The following TBX22 variants were observed in gnomAD, a reference collection of about 807,000 sequenced individuals.
TBX22 encodes T-box transcription factor 22, also known as T-box transcription factor TBX22.
A neutral mutation model predicts 30.1 loss-of-function variants in TBX22; 8 were observed. That is an observed-to-expected ratio of 0.27 (90% CI 0.16 to 0.48). The LOEUF (loss-of-function observed/expected upper bound fraction) is 0.48, where lower values mean the gene tolerates loss of function less well. Ranked by LOEUF, TBX22 falls within the 20% of genes least tolerant of loss-of-function variation. The pLI is 0.99. For synonymous variants in TBX22, 173 were observed against 149.1 expected, an observed-to-expected ratio of 1.16 and a Z score of -1.17; for missense variants, 463 against 400.5, an observed-to-expected ratio of 1.16 and a Z score of -1.33.
chrX:80,015,484 G>T (rs1227809472), intron 1 of TBX22, among the ~76,000 whole-genome samples: 1 of 112,813 alleles, frequency 8.9e-6, no homozygotes, highest in Non-Finnish European at 1.9e-5. Flanking sequence ...GCACTCATTT[G>T]ATTTCAGGAG....
chrX:80,022,623 T>C, intron 2 of TBX22, 179 bp downstream of exon 2: 1 of 496,078 alleles, frequency 2.0e-6, no homozygotes, highest in Non-Finnish European at 3.5e-6. Flanking sequence ...GCAGTTTCTT[T>C]GCGGTAAAGG....
At chrX:80,017,610 C>T (rs987135949) in intron 1 of TBX22, among the ~76,000 whole-genome samples, 1 of 111,325 alleles carries the variant, frequency 9.0e-6, no homozygotes, top group East Asian at 2.8e-4. Context: ...ACTAGAATCA[C>T]CATAGGGTAG....
At chrX:80,027,374 GTTTTTTT>G in intron 7 of TBX22, 54 bp downstream of exon 7, 2 of 424,881 alleles carry the variant, frequency 4.7e-6, no homozygotes, top group Non-Finnish European at 7.8e-6. Flanking sequence ...ATTTTCACAA[GTTTTTTT>G]TTTTTTTTTT....
Position 80,022,460 on chromosome X carries a change from G to T in TBX22, c.175+16G>T. On this transcript the variant is annotated intron_variant, in intron 2 of 8. Coordinates refer to ENST00000373296, the MANE Select transcript of TBX22 (RefSeq NM_001109878.2). The stretch of plus-strand genomic sequence containing the variant: ...GAGCCGCTTGGTAAGTACTGCCATT[G>T]CCCTGAGCCCGTTGCCTGAGCTTAC... 1 of 1,167,571 alleles carries T rather than the reference G, an allele frequency of 8.6e-7. No homozygotes were observed. The highest frequency in any genetic ancestry group is 1.1e-6 in the Non-Finnish European group (1 of 873,205).
rs7877748 is a variant in TBX22 at position 80,027,889 on chromosome X, T to C, written c.864-102T>C. On this transcript the variant is annotated intron_variant, in intron 7 of 8. Coordinates refer to ENST00000373296, the MANE Select transcript of TBX22 (RefSeq NM_001109878.2). Reference sequence around the variant, plus strand: ...GAAGTCTAGCTATATAAAAGAGAAATATTTAAAATAGTTACATCTGAAAGA... The same window carrying C: ...GAAGTCTAGCTATATAAAAGAGAAACATTTAAAATAGTTACATCTGAAAGA... 0.29 allele frequency: 183,989 copies of C among 625,900 alleles called. 19,880 individuals are homozygous for C. Among genetic ancestry groups the C allele is most frequent in the East Asian group, 0.59 (17,050 of 28,950 alleles). 51.6% of individuals were successfully genotyped at this position (625,900 alleles called of 1,213,427 possible).
chrX:80,030,778 G>T lies in TBX22; in HGVS notation c.1230G>T (p.Val410=). Residue 410 remains valine, a synonymous_variant, in exon 9 of 9, where the codon GTG becomes GTT. Transcript: ENST00000373296. ...SQSLAPLMME[V]PMLSSLGVTN... The stretch of plus-strand genomic sequence containing the variant: ...CTTTAGCCCCACTCATGATGGAAGT[G>T]CCTATGTTATCTTCCCTGGGGGTCA... 8.3e-7 allele frequency: 1 copy of T among 1,211,284 alleles called. No homozygotes were observed.
chrX:80,018,692 G>C (rs986830321), intron 1 of TBX22, among the ~76,000 whole-genome samples: 3 of 112,185 alleles, frequency 2.7e-5, no homozygotes, highest in Non-Finnish European at 5.6e-5. Flanking sequence ...TAAGTGGTTT[G>C]CATGTTTTCT....
At position 80,027,334 on chromosome X, in the gene TBX22, C is replaced by A; in HGVS notation, c.863+14C>A. ...TGGAAGAAACAGGTAAGCAGCATAG[C>A]AATGACATCTAATATTGATGTAGCT... On this transcript the variant is annotated intron_variant, in intron 7 of 8. Transcript: ENST00000373296. 1 of 910,706 alleles carries A rather than the reference C, an allele frequency of 1.1e-6. No individual in the cohort carries two copies. The highest frequency in any genetic ancestry group is 1.6e-6 in the Non-Finnish European group (1 of 627,740). 75.1% of individuals were successfully genotyped at this position (910,706 alleles called of 1,213,427 possible).
intron 1 of TBX22, among the ~76,000 whole-genome samples, 197 bp downstream of exon 1, chrX:80,015,084 C>T (rs1233149347): frequency 1.8e-5 from 2 of 110,849 alleles, no homozygotes; most frequent in Non-Finnish European, 3.8e-5. Context: ...CACTACTTCT[C>T]GGGGGACTGG....
At chrX:80,022,795 G>A in intron 2 of TBX22, 1 of 410,645 alleles carries the variant, frequency 2.4e-6, no homozygotes, top group Non-Finnish European at 4.2e-6. Context: ...AACGTCTCCA[G>A]GAGAGTGAGG....
At position 80,024,111 on chromosome X, in the gene TBX22, G is replaced by A. The variant is rs754422325; in HGVS notation, c.405G>A (p.Gly135=). ...VRVKVKGLDP[G]KQYHVAIDVV... ...TCAAGGTGAAAGGGTTGGATCCAGG[G>A]AAGCAGTACCATGTGGCCATCGATG... The change falls in exon 4 of 9, where the codon GGG becomes GGA. Residue 135 remains glycine, a synonymous_variant. Coordinates refer to ENST00000373296, the MANE Select transcript of TBX22 (RefSeq NM_001109878.2). 2.3e-5 allele frequency: 28 copies of A among 1,209,288 alleles called. No homozygotes were observed. The South Asian group carries it at 4.8e-4, about 21-fold the overall frequency.
At chrX:80,017,285 TGTGTG>T (rs1923496664) in intron 1 of TBX22, among the ~76,000 whole-genome samples, 7 of 67,410 alleles carry the variant, frequency 1.0e-4, no homozygotes, top group African/African-American at 3.2e-4. Flanking sequence ...TGTTTTTGTG[TGTGTG>T]TGTGTGTGTG....
intron 7 of TBX22, among the ~76,000 whole-genome samples, chrX:80,027,759 A>C (rs2147602169): frequency 8.9e-6 from 1 of 111,908 alleles, no homozygotes; most frequent in African/African-American, 3.2e-5. Flanking sequence ...TAAGAAAGGA[A>C]CCCAGATGTT....
chrX:80,024,228 C>A, intron 4 of TBX22, 64 bp downstream of exon 4: 1 of 1,003,251 alleles, frequency 1.0e-6, no homozygotes, highest in Non-Finnish European at 1.4e-6. Context: ...GACCTTCAGA[C>A]CTGAAACCTG....
intron 8 of TBX22, among the ~76,000 whole-genome samples, chrX:80,028,883 G>A (rs1924106174): frequency 9.1e-6 from 1 of 110,135 alleles, no homozygotes; most frequent in African/African-American, 3.3e-5. Flanking sequence ...ACTGAAAAGG[G>A]AAGAAGTGAA....
Position 80,026,734 on chromosome X carries a change from C to A in TBX22, c.664C>A (p.Pro222Thr), listed in dbSNP as rs781385178. Residue 222 changes from proline (P) to threonine (T), a missense_variant, in exon 6 of 9, where the codon CCC becomes ACC. By Grantham distance (38) the Pro-to-Thr change is conservative. Transcript: ENST00000373296. ...TCTGCAATCCATGCATAAGTACAAA[C>A]CCCGAGTGCACGTGATAGAGCAAGG... Reference protein sequence around the residue: ...IILQSMHKYKPRVHVIEQGSS... With the variant: ...IILQSMHKYKTRVHVIEQGSS... 2 of 1,211,430 alleles carry A rather than the reference C, an allele frequency of 1.7e-6. No homozygotes were observed. Among genetic ancestry groups the A allele is most frequent in the Admixed American group, 2.2e-5 (1 of 46,035 alleles).
intron 1 of TBX22, among the ~76,000 whole-genome samples, chrX:80,015,296 G>A (rs73241430): frequency 1.5e-3 from 173 of 112,107 alleles, no homozygotes; most frequent in Middle Eastern, 4.7e-3. Context: ...GAAGGGACGG[G>A]AGTGCCTCCT....
chrX:80,018,824 T>G (rs183909064), intron 1 of TBX22, among the ~76,000 whole-genome samples: 1 of 112,108 alleles, frequency 8.9e-6, no homozygotes, highest in African/African-American at 3.2e-5. Flanking sequence ...AAAAAAGACT[T>G]GTGTAAGGTC....
At chrX:80,019,184 G>C (rs778514071) in intron 1 of TBX22, among the ~76,000 whole-genome samples, 2 of 111,549 alleles carry the variant, frequency 1.8e-5, no homozygotes, top group Non-Finnish European at 3.8e-5. Flanking sequence ...CACTTAGCTA[G>C]TGCAGGCAAA....
Sources: allele counts gnomAD v4.1 joint callset (sites outside exome capture counted in the v4.1 genomes callset), GRCh38; gene constraint gnomAD v4.1.1; transcripts MANE v1.5; gene names NCBI Gene and HGNC (gene_info 2026-07-23, HGNC 2026-07-21).